LINGO2: variants seen among roughly 807,000 people sequenced by gnomAD.
LINGO2 encodes the protein leucine rich repeat and Ig domain containing 2.
Under a neutral mutation model 30.6 loss-of-function variants are expected in LINGO2, and 14 were observed. The ratio of observed to expected loss-of-function variants is 0.46; its 90% CI spans 0.30 to 0.72. LINGO2 has a LOEUF of 0.72. LINGO2 is among the 30% of genes least tolerant of loss of function. The probability of loss-of-function intolerance (pLI) is 0.07; values close to 1 mark genes in which losing one functional copy is unlikely to be tolerated. For synonymous variants in LINGO2, 317 were observed against 288.5 expected (o/e 1.10, Z -1.00); for missense variants, 729 against 751.7 (o/e 0.97, Z 0.35).
chr9:28,430,421 A>C (rs146035056), intron 2 of LINGO2, among the ~76,000 whole-genome samples: 2 of 152,274 alleles, frequency 1.3e-5, no homozygotes, highest in East Asian at 3.9e-4. Context: ...AGTACTTATA[A>C]TTGACAAAAT....
chr9:28,774,186 G>A, the LINGO2 span, among the ~76,000 whole-genome samples: 2 of 152,158 alleles, frequency 1.3e-5, no homozygotes, highest in African/African-American at 2.4e-5. Flanking sequence ...AATAGAGCAT[G>A]AGCTGTTCAG....
intron 4 of LINGO2, among the ~76,000 whole-genome samples, chr9:28,205,373 C>A (rs999798409): frequency 6.6e-6 from 1 of 152,180 alleles, no homozygotes; most frequent in Non-Finnish European, 1.5e-5. Flanking sequence ...CAGATCTTAA[C>A]TCAAACGTCA....
At chr9:28,549,036 AT>A (rs1822119484) in intron 1 of LINGO2, among the ~76,000 whole-genome samples, 1 of 152,072 alleles carries the variant, frequency 6.6e-6, no homozygotes, top group South Asian at 2.1e-4. Flanking sequence ...CAGTTCTGAA[AT>A]ATTAACCTGT....
chr9:28,353,230 AG>A (rs1370989406), intron 3 of LINGO2, among the ~76,000 whole-genome samples: 3,883 of 138,560 alleles, frequency 0.028, 150 homozygotes, highest in African/African-American at 0.1. Context: ...ACAAAATGGG[AG>A]AAAATTTTCG....
intron 1 of LINGO2, among the ~76,000 whole-genome samples, chr9:28,526,375 A>T (rs1821039333): frequency 6.6e-6 from 1 of 152,194 alleles, no homozygotes; most frequent in Non-Finnish European, 1.5e-5. Flanking sequence ...ATAAAAGAGC[A>T]AAGCAGCATC....
intron 3 of LINGO2, among the ~76,000 whole-genome samples, chr9:28,337,388 T>C (rs983936212): frequency 6.6e-5 from 10 of 152,260 alleles, no homozygotes; most frequent in Admixed American, 2.0e-4. Flanking sequence ...GCATGAAAGT[T>C]TGGAAAATCT....
the LINGO2 span, among the ~76,000 whole-genome samples, chr9:29,079,330 T>C: frequency 5.3e-5 from 8 of 151,972 alleles, no homozygotes; most frequent in African/African-American, 1.9e-4. Context: ...ATCAATCACC[T>C]AATATCTATT....
chr9:29,112,883 T>C, the LINGO2 span, among the ~76,000 whole-genome samples: 1 of 152,212 alleles, frequency 6.6e-6, no homozygotes, highest in African/African-American at 2.4e-5. Flanking sequence ...TTCTATGTAT[T>C]AACCCACTTA....
intron 5 of LINGO2, among the ~76,000 whole-genome samples, chr9:28,007,909 A>T (rs1360398467): frequency 6.6e-6 from 1 of 152,134 alleles, no homozygotes; most frequent in East Asian, 1.9e-4. Flanking sequence ...TCACTCAAAC[A>T]AGCCTAATGT....
At chr9:28,789,645 A>G in the LINGO2 span, among the ~76,000 whole-genome samples, 1 of 152,188 alleles carries the variant, frequency 6.6e-6, no homozygotes, top group Non-Finnish European at 1.5e-5. Flanking sequence ...GAAAAAATTA[A>G]GGTAAAGTTA....
chr9:28,554,002 T>C (rs1005996298), intron 1 of LINGO2, among the ~76,000 whole-genome samples: 1 of 152,020 alleles, frequency 6.6e-6, no homozygotes, highest in African/African-American at 2.4e-5. Flanking sequence ...AAGGAAGCGC[T>C]AAACTTAGAA....
intron 1 of LINGO2, among the ~76,000 whole-genome samples, chr9:28,659,996 G>C (rs1202253784): frequency 6.6e-6 from 1 of 152,090 alleles, no homozygotes; most frequent in African/African-American, 2.4e-5. Flanking sequence ...AAAAATGTCA[G>C]ATAGAAAAAG....
At chr9:28,811,706 A>G in the LINGO2 span, among the ~76,000 whole-genome samples, 7 of 152,046 alleles carry the variant, frequency 4.6e-5, no homozygotes, top group African/African-American at 7.2e-5. Context: ...TTTAGCTTAA[A>G]TTTGAATTCT....
chr9:28,616,814 G>A (rs950274082), intron 1 of LINGO2, among the ~76,000 whole-genome samples: 18 of 152,206 alleles, frequency 1.2e-4, no homozygotes, highest in African/African-American at 4.3e-4. Flanking sequence ...CCAATGTAGT[G>A]TGATGCTTGG....
chr9:28,193,137 G>T (rs1481529209), intron 4 of LINGO2, among the ~76,000 whole-genome samples: 1 of 151,984 alleles, frequency 6.6e-6, no homozygotes, highest in Non-Finnish European at 1.5e-5. Flanking sequence ...GAGTTCAAAT[G>T]ATTTCTGAAT....
intron 3 of LINGO2, among the ~76,000 whole-genome samples, chr9:28,366,441 C>T (rs1470676076): frequency 1.3e-5 from 2 of 152,130 alleles, no homozygotes. Flanking sequence ...AACCTTTCAG[C>T]TCATGTTTTT....
chr9:28,768,122 A>T, the LINGO2 span, among the ~76,000 whole-genome samples: 1 of 152,218 alleles, frequency 6.6e-6, no homozygotes, highest in African/African-American at 2.4e-5. Context: ...AAGAGTGACT[A>T]TCCCTTATTT....
At chr9:28,982,885 G>C in the LINGO2 span, among the ~76,000 whole-genome samples, 1 of 151,748 alleles carries the variant, frequency 6.6e-6, no homozygotes, top group South Asian at 2.1e-4. Flanking sequence ...AAAACCTTTT[G>C]AAATAAATTA....
chr9:29,035,301 T>C, the LINGO2 span, among the ~76,000 whole-genome samples: 2 of 152,032 alleles, frequency 1.3e-5, no homozygotes, highest in East Asian at 1.9e-4. Flanking sequence ...TTATTTAAGA[T>C]AGAAGTAGTG....
Sources: gnomAD v4.1 joint callset for allele counts (sites outside exome capture counted in the v4.1 genomes callset) on GRCh38, gnomAD v4.1.1 for gene constraint, MANE v1.5 for transcripts, NCBI Gene and HGNC (gene_info 2026-07-23, HGNC 2026-07-21) for gene names.